Variants in KIAA1549 observed in about 807,000 individuals in gnomAD.
KIAA1549 encodes the protein KIAA1549.
A neutral mutation model predicts 156.4 loss-of-function variants in KIAA1549; 70 were observed. The observed-to-expected ratio is 0.45, with a 90% CI of 0.37 to 0.55. The LOEUF is 0.55. Ranked by LOEUF, KIAA1549 falls within the 20% of genes least tolerant of loss-of-function variation. KIAA1549 has a pLI of 0.00. For synonymous variants in KIAA1549, 1,103 were observed against 1,066.4 expected (o/e 1.03, Z -0.67); for missense variants, 2,428 against 2,540.9 (o/e 0.96, Z 0.96).
At chr7:138,934,090 T>C (rs1009379115) in intron 1 of KIAA1549, among the ~76,000 whole-genome samples, 3 of 152,210 alleles carry the variant, frequency 2.0e-5, no homozygotes, top group African/African-American at 7.2e-5. Flanking sequence ...TTTTGGAACC[T>C]ATAATTGGAA....
intron 1 of KIAA1549, among the ~76,000 whole-genome samples, chr7:138,925,494 T>G (rs1340747380): frequency 6.6e-6 from 1 of 151,880 alleles, no homozygotes; most frequent in Non-Finnish European, 1.5e-5. Flanking sequence ...GCCACCAAAT[T>G]AAAGTTGTTG....
chr7:138,954,792 C>T (rs1813614001), intron 1 of KIAA1549, among the ~76,000 whole-genome samples: 1 of 152,140 alleles, frequency 6.6e-6, no homozygotes, highest in Non-Finnish European at 1.5e-5. Context: ...AGGAAGATTC[C>T]CGTCCTGCAG....
At chr7:138,925,621 C>T (rs988872334) in intron 1 of KIAA1549, among the ~76,000 whole-genome samples, 2 of 151,902 alleles carry the variant, frequency 1.3e-5, no homozygotes, top group African/African-American at 4.8e-5. Flanking sequence ...ATGGCTTGAG[C>T]CCTGGAGTTC....
chr7:138,980,380 T>A (rs1814509687), intron 1 of KIAA1549, among the ~76,000 whole-genome samples: 1 of 152,260 alleles, frequency 6.6e-6, no homozygotes, highest in African/African-American at 2.4e-5. Flanking sequence ...TGCCTCTTCA[T>A]TCCATACTGA....
At chr7:138,978,520 A>C (rs1487076635) in intron 1 of KIAA1549, among the ~76,000 whole-genome samples, 2 of 152,226 alleles carry the variant, frequency 1.3e-5, no homozygotes, top group Non-Finnish European at 2.9e-5. Flanking sequence ...GCTGAATGAA[A>C]TACAAATAGA....
chr7:138,944,858 A>G (rs1201019948), intron 1 of KIAA1549, among the ~76,000 whole-genome samples: 1 of 152,224 alleles, frequency 6.6e-6, no homozygotes, highest in Non-Finnish European at 1.5e-5. Context: ...ACAGAGGCAG[A>G]ATGCAGTTAG....
At chr7:138,865,642 T>C (rs1810716543) in intron 15 of KIAA1549, among the ~76,000 whole-genome samples, 1 of 152,166 alleles carries the variant, frequency 6.6e-6, no homozygotes, top group Non-Finnish European at 1.5e-5. Flanking sequence ...TCTGGGGTGG[T>C]GTCTTCCAGG....
chr7:138,837,165 C>A lies in KIAA1549; in HGVS notation c.*741G>T, dbSNP rs527548363. 182 of 225,834 alleles carry A rather than the reference C, an allele frequency of 8.1e-4. No homozygotes were observed. Among genetic ancestry groups the A allele is most frequent in the South Asian group, 2.2e-3 (12 of 5,468 alleles). 14.0% of individuals were successfully genotyped at this position (225,834 alleles called of 1,614,324 possible). A position where few individuals can be genotyped will look rare whatever the true frequency, so the allele number is the denominator to read the frequency against. On this transcript the variant is annotated 3_prime_UTR_variant, in exon 20 of 20. Transcript: ENST00000422774. ...AATCAAATAAATATAAAGCTTTTTG[C>A]CCCACTTTGGGAGGGATTTTTTTTT...
intron 11 of KIAA1549, among the ~76,000 whole-genome samples, chr7:138,880,134 A>G (rs181020643): frequency 2.6e-5 from 4 of 152,330 alleles, no homozygotes; most frequent in Admixed American, 2.0e-4. Flanking sequence ...TTCTTTATAT[A>G]AAAAGCAAGA....
Position 138,899,141 on chromosome 7 carries a change from T to C in KIAA1549, c.3670-9A>G, listed in dbSNP as rs577155301. 22 of 1,612,878 alleles carry C rather than the reference T, an allele frequency of 1.4e-5. No individual in the cohort carries two copies. The highest frequency in any genetic ancestry group is 1.7e-5 in the Admixed American group (1 of 59,948). ...CTCGACACATTTACCACCTGAAAGA[T>C]AGCAGAAACCATTCACATTGCAGAA... On this transcript the variant is annotated splice_polypyrimidine_tract_variant and intron_variant, in intron 8 of 19. Coordinates refer to ENST00000422774, the MANE Select transcript of KIAA1549 (RefSeq NM_001164665.2).
rs538248733 is a variant in KIAA1549 at position 138,837,561 on chromosome 7, T to A, written c.*345A>T. ...CCACAGAAACGCTTGGTTCCTTTCATCCCTATGCTGTCTATACAGTTTAAT... is the reference window on the plus strand; with the variant it reads ...CCACAGAAACGCTTGGTTCCTTTCAACCCTATGCTGTCTATACAGTTTAAT... On this transcript the variant is annotated 3_prime_UTR_variant, in exon 20 of 20. Coordinates refer to ENST00000422774, the MANE Select transcript of KIAA1549 (RefSeq NM_001164665.2). 4.4e-4 allele frequency: 183 copies of A among 411,242 alleles called. No individual in the cohort carries two copies. The highest frequency in any genetic ancestry group is 6.5e-4 in the Non-Finnish European group (151 of 232,936). The allele number at this position is 411,242 out of a possible 1,614,324, so 25.5% of individuals were successfully genotyped here.
intron 9 of KIAA1549, among the ~76,000 whole-genome samples, chr7:138,898,234 G>A (rs139476918): frequency 1.3e-5 from 2 of 149,040 alleles, no homozygotes; most frequent in African/African-American, 5.0e-5. Context: ...TTGAACCCGG[G>A]AGGCAGAGGT....
At chr7:138,870,556 C>A (rs1396425178) in intron 13 of KIAA1549, among the ~76,000 whole-genome samples, 1 of 152,132 alleles carries the variant, frequency 6.6e-6, no homozygotes, top group Non-Finnish European at 1.5e-5. Context: ...AAGACGGAAA[C>A]CTGAACTGCG....
intron 1 of KIAA1549, among the ~76,000 whole-genome samples, chr7:138,980,866 C>T (rs939074721): frequency 1.3e-5 from 2 of 152,218 alleles, no homozygotes; most frequent in Admixed American, 6.5e-5. Flanking sequence ...CTTAGCAAGA[C>T]CGGCCAGAAG....
intron 10 of KIAA1549, among the ~76,000 whole-genome samples, chr7:138,888,824 T>C (rs930693438): frequency 2.6e-5 from 4 of 152,220 alleles, no homozygotes; most frequent in African/African-American, 9.6e-5. Flanking sequence ...TGAAATGAAA[T>C]ACTAATCCAT....
At chr7:138,959,296 C>T (rs1029561475) in intron 1 of KIAA1549, among the ~76,000 whole-genome samples, 1 of 152,190 alleles carries the variant, frequency 6.6e-6, no homozygotes, top group African/African-American at 2.4e-5. Context: ...CACCACAAAT[C>T]ACGACCATAC....
chr7:138,919,210 A>G lies in KIAA1549; in HGVS notation c.416T>C (p.Val139Ala), dbSNP rs768565045. The stretch of plus-strand genomic sequence containing the variant: ...ACTCGTCACTGACACGTAAGTTGCC[A>G]CAAAGATGCTGGGATCTGCTGTACT... ...TKSTADPSIFVATYVSVTSKE... is the reference protein window; with the variant it reads ...TKSTADPSIFAATYVSVTSKE... Residue 139 changes from valine (V) to alanine (A), a missense_variant, in exon 2 of 20, where the codon GTG becomes GCG. This residue lies in a region of KIAA1549 where 893 missense variants were observed against 847.9 expected (regional missense o/e 1.05). Coordinates refer to ENST00000422774, the MANE Select transcript of KIAA1549 (RefSeq NM_001164665.2). 1 of 1,614,024 alleles carries G rather than the reference A, an allele frequency of 6.2e-7. No individual in the cohort carries two copies. The highest frequency in any genetic ancestry group is 8.5e-7 in the Non-Finnish European group (1 of 1,179,906).
Position 138,835,887 on chromosome 7 carries a change from G to A in KIAA1549, c.*2019C>T, listed in dbSNP as rs562020284. On this transcript the variant is annotated 3_prime_UTR_variant, in exon 20 of 20. Transcript: ENST00000422774. ...GGTCCTTTGTTGAACGTCCTTGAGA[G>A]ACTTACTCTCCTGCACTCCTTCTCT... 12 of 219,506 alleles carry A rather than the reference G, an allele frequency of 5.5e-5. No individual in the cohort carries two copies. In the East Asian group the frequency reaches 8.0e-4, roughly 15 times the overall value. 13.6% of individuals were successfully genotyped at this position (219,506 alleles called of 1,614,324 possible). A position where few individuals can be genotyped will look rare whatever the true frequency, so the allele number is the denominator to read the frequency against.
chr7:138,864,201 C>A (rs1372378406), intron 15 of KIAA1549, among the ~76,000 whole-genome samples: 1 of 152,242 alleles, frequency 6.6e-6, no homozygotes, highest in Non-Finnish European at 1.5e-5. Context: ...CAAAAAACTG[C>A]AGGCACAAAC....
Sources: gnomAD v4.1 joint callset for allele counts (sites outside exome capture counted in the v4.1 genomes callset) on GRCh38, gnomAD v4.1.1 for gene constraint, gnomAD v4.1.1 regional missense constraint, MANE v1.5 for transcripts, NCBI Gene and HGNC (gene_info 2026-07-23, HGNC 2026-07-21) for gene names.